The following MYO9B variants were observed in gnomAD, a reference collection of about 807,000 sequenced individuals.
The protein encoded by MYO9B is unconventional myosin-IXb.
MYO9B carries 71 observed loss-of-function variants against 229.5 expected under a neutral mutation model. That is an observed-to-expected ratio of 0.31 (90% CI 0.26 to 0.38). The LOEUF is 0.38. MYO9B is among the 10% of genes least tolerant of loss of function. The pLI is 1.00. For missense variants in MYO9B, 2,255 were observed against 2,920.5 expected, an observed-to-expected ratio of 0.77 and a Z score of 5.25; for synonymous variants, 1,185 against 1,235.8, an observed-to-expected ratio of 0.96 and a Z score of 0.86.
In MYO9B at chr19:17,192,446, T is replaced by C. The variant is rs145954198; in HGVS notation, c.2812-300T>C. ...CCTGTCTGTACTAAAAATACAAAAA[T>C]TAGCCAGGCCTGGTGATGGGCACCT... On this transcript the variant is annotated intron_variant, in intron 20 of 39. Transcript: ENST00000682292. Among the ~76,000 whole-genome samples the C allele has an allele frequency of 2.3e-3, 323 of 142,502 alleles. 1 individual carries two copies. The highest frequency in any genetic ancestry group is 8.4e-3 in the African/African-American group (320 of 37,976). 93.5% of individuals were successfully genotyped at this position (142,502 alleles called of 152,430 possible).
intron 32 of MYO9B, 32 bp from the exon 33 acceptor site, chr19:17,206,216 C>T (rs766084368): frequency 4.1e-5 from 65 of 1,586,270 alleles, no homozygotes; most frequent in Admixed American, 1.4e-4. Context: ...GCCAGTGCGC[C>T]GCTCACCAGA....
intron 6 of MYO9B, among the ~76,000 whole-genome samples, chr19:17,156,326 C>T (rs2072537331): frequency 6.6e-6 from 1 of 151,608 alleles, no homozygotes; most frequent in Non-Finnish European, 1.5e-5. Flanking sequence ...AGATAGGAGG[C>T]TCAACTGAGC....
At chr19:17,106,039 G>A (rs867397796) in intron 2 of MYO9B, among the ~76,000 whole-genome samples, 25 of 133,042 alleles carry the variant, frequency 1.9e-4, no homozygotes, top group South Asian at 9.8e-4. Flanking sequence ...GTCTCTCTCC[G>A]TTACCTAGAA....
intron 2 of MYO9B, among the ~76,000 whole-genome samples, chr19:17,105,065 C>T (rs879696787): frequency 1.3e-5 from 2 of 152,090 alleles, no homozygotes; most frequent in Non-Finnish European, 2.9e-5. Flanking sequence ...CCCTCCATGA[C>T]CTTTGGCAGC....
rs888131478 is a variant in MYO9B, at chr19:17,101,546, G to T, written c.-58-114G>T. The T allele has an allele frequency of 2.8e-6, 3 of 1,079,670 alleles. No homozygotes were observed. Among genetic ancestry groups the T allele is most frequent in the Admixed American group, 2.9e-5 (1 of 34,234 alleles). The allele number at this position is 1,079,670 out of a possible 1,614,324, so 66.9% of individuals were successfully genotyped here. On this transcript the variant is annotated intron_variant, in intron 1 of 39. Transcript: ENST00000682292. This position sits in a 1 kb window ranked among gnomAD's most constrained non-coding sequence, Gnocchi z 4.7. ...CTGGCTTTTTGGGCGAGCCTAGTCG[G>T]GTGGGGAACTCCAGCATCGGGTCAG...
At chr19:17,141,245 C>A (rs1315191193) in intron 2 of MYO9B, among the ~76,000 whole-genome samples, 1 of 152,130 alleles carries the variant, frequency 6.6e-6, no homozygotes, top group Non-Finnish European at 1.5e-5. Flanking sequence ...CCCTGGTGTG[C>A]TTGGCCACCA....
intron 18 of MYO9B, 44 bp downstream of exon 18, chr19:17,186,045 A>G (rs1180252984): frequency 2.2e-5 from 34 of 1,562,548 alleles, no homozygotes; most frequent in Non-Finnish European, 2.9e-5. Flanking sequence ...CCCATGCCGG[A>G]CTCTTAGGGG....
intron 14 of MYO9B, among the ~76,000 whole-genome samples, chr19:17,179,420 ATTTTTTT>A (rs747998068): frequency 1.2e-5 from 1 of 86,668 alleles, no homozygotes; most frequent in Non-Finnish European, 2.1e-5. Flanking sequence ...GCCCCAACTG[ATTTTTTT>A]TTTTTTTTTT....
chr19:17,116,366 A>C lies in MYO9B; in HGVS notation c.840+13809A>C, dbSNP rs78508855. On this transcript the variant is annotated intron_variant, in intron 2 of 39. Transcript: ENST00000682292. ...ACCAGAGGTGCATGCCCAAGGCCGC[A>C]AACCCCCTAGGAGGAAGCTGGCATC... Among the ~76,000 whole-genome samples, 597 of 152,244 alleles carry C rather than the reference A, an allele frequency of 3.9e-3. 23 individuals carry two copies. The East Asian group carries it at 0.093, about 24-fold the overall frequency.
chr19:17,129,567 G>A (rs2072168749), intron 2 of MYO9B, among the ~76,000 whole-genome samples: 1 of 152,222 alleles, frequency 6.6e-6, no homozygotes, highest in Non-Finnish European at 1.5e-5. Context: ...TGGGCCAGGA[G>A]GGGAGCCACG....
chr19:17,076,235 G>C (rs2057482102), intron 1 of MYO9B, among the ~76,000 whole-genome samples: 1 of 151,950 alleles, frequency 6.6e-6, no homozygotes, highest in East Asian at 1.9e-4. Flanking sequence ...TGGGGGAGTG[G>C]GCAAGGCCAG....
intron 26 of MYO9B, among the ~76,000 whole-genome samples, chr19:17,201,192 C>A (rs1239883984): frequency 6.6e-6 from 1 of 152,206 alleles, no homozygotes; most frequent in Non-Finnish European, 1.5e-5. Flanking sequence ...ACGATCGCAG[C>A]ACTGCACTCC....
chr19:17,176,401 C>A (rs2072790415), intron 14 of MYO9B, among the ~76,000 whole-genome samples: 1 of 151,532 alleles, frequency 6.6e-6, no homozygotes, highest in Non-Finnish European at 1.5e-5. Context: ...GAACTCCTGA[C>A]CTTGGGTGAT....
In MYO9B at chr19:17,157,084, G is replaced by A. The variant is rs377604584; in HGVS notation, c.1329+46G>A. 2.3e-5 allele frequency: 37 copies of A among 1,588,862 alleles called. No individual in the cohort carries two copies. In the African/African-American group the frequency reaches 2.4e-4, roughly 10 times the overall value. ...CCCTTCTCAGGCCTGGCTCAGGGCC[G>A]CTGGCTATCTCTCAGTACGAGGGAC... On this transcript the variant is annotated intron_variant, in intron 7 of 39. Coordinates refer to ENST00000682292, the MANE Select transcript of MYO9B (RefSeq NM_004145.4).
chr19:17,089,556 C>T (rs1025930296), intron 1 of MYO9B, among the ~76,000 whole-genome samples: 3 of 152,134 alleles, frequency 2.0e-5, no homozygotes, highest in Non-Finnish European at 4.4e-5. Flanking sequence ...TCTGTGCAGC[C>T]GGCCTTGAGA....
In MYO9B at chr19:17,172,264, T is replaced by C. The variant is rs2072733080; in HGVS notation, c.1794-72T>C. The stretch of plus-strand genomic sequence containing the variant: ...CCACCCACCTCGTGCACCAGGGGTC[T>C]GCAAGATAAAATACACAGCAGGTAA... On this transcript the variant is annotated intron_variant, in intron 11 of 39. Transcript: ENST00000682292. The surrounding 1 kb of genome is among the most constrained non-coding windows in gnomAD (Gnocchi z 8.2). 3 of 1,571,788 alleles carry C rather than the reference T, an allele frequency of 1.9e-6. No homozygotes were observed. In the South Asian group the frequency reaches 3.5e-5, roughly 18 times the overall value.
Position 17,099,647 on chromosome 19 carries a change from C to T in MYO9B, c.-58-2013C>T, listed in dbSNP as rs576253190. ...TGGCTAACATGGTGAAACTCCATCTCTACTAAAAATACAAAAAAAAATTAG... is the reference window on the plus strand; with the variant it reads ...TGGCTAACATGGTGAAACTCCATCTTTACTAAAAATACAAAAAAAAATTAG... On this transcript the variant is annotated intron_variant, in intron 1 of 39. Transcript: ENST00000682292. Among the ~76,000 whole-genome samples, 5 of 151,926 alleles carry T rather than the reference C, an allele frequency of 3.3e-5. No individual in the cohort carries two copies. In the South Asian group the frequency reaches 1.0e-3, roughly 32 times the overall value.
chr19:17,175,377 G>T (rs1299047264), intron 13 of MYO9B, among the ~76,000 whole-genome samples: 1 of 151,730 alleles, frequency 6.6e-6, no homozygotes, highest in Non-Finnish European at 1.5e-5. Context: ...CTGAGGTCAG[G>T]AGTTCAAGAC....
intron 2 of MYO9B, among the ~76,000 whole-genome samples, chr19:17,118,152 G>A (rs994446030): frequency 5.9e-5 from 9 of 151,862 alleles, no homozygotes; most frequent in Non-Finnish European, 8.8e-5. Context: ...TGTACAGGAC[G>A]GCCCCCCTCT....
Sources: allele counts gnomAD v4.1 joint callset (sites outside exome capture counted in the v4.1 genomes callset), GRCh38; gene constraint gnomAD v4.1.1; non-coding constraint Gnocchi (gnomAD v3.1); transcripts MANE v1.5; gene names NCBI Gene and HGNC (gene_info 2026-07-23, HGNC 2026-07-21).